Variants in AK7 observed in about 807,000 individuals in gnomAD.
The protein encoded by AK7 is ATP-AMP transphosphorylase 7.
Under a neutral mutation model 96.6 loss-of-function variants are expected in AK7, and 78 were observed. The ratio of observed to expected loss-of-function variants is 0.81; its 90% confidence interval spans 0.67 to 0.97. The LOEUF is 0.97. Among genes scored for constraint, AK7 ranks in the 50% least tolerant of loss-of-function variants. AK7 has a pLI of 0.00. For synonymous variants in AK7, 302 were observed against 317.2 expected (o/e 0.95, Z 0.51); for missense variants, 855 against 887.9 (o/e 0.96, Z 0.47).
intron 6 of AK7, among the ~76,000 whole-genome samples, chr14:96,442,436 T>C (rs1379512658): frequency 1.3e-5 from 2 of 152,246 alleles, no homozygotes; most frequent in African/African-American, 4.8e-5. Context: ...TCTTGAAAAG[T>C]ATTTCAGTCC....
chr14:96,417,362 G>A (rs1410158422), intron 4 of AK7, among the ~76,000 whole-genome samples: 2 of 152,172 alleles, frequency 1.3e-5, no homozygotes, highest in African/African-American at 2.4e-5. Flanking sequence ...AATTTAGCTG[G>A]ATGTCCTGTG....
At chr14:96,449,674 T>TC in intron 8 of AK7, 128 bp from the exon 9 acceptor site, 2 of 625,314 alleles carry the variant, frequency 3.2e-6, no homozygotes, top group Non-Finnish European at 5.7e-6. Context: ...TTACGGGTGA[T>TC]CCGCCCACCT....
chr14:96,476,001 A>T (rs915964185), intron 14 of AK7, among the ~76,000 whole-genome samples: 2 of 140,124 alleles, frequency 1.4e-5, no homozygotes, highest in African/African-American at 5.3e-5. Flanking sequence ...AAAAAAAAAA[A>T]GAAATCAAAG....
intron 2 of AK7, among the ~76,000 whole-genome samples, chr14:96,402,386 T>C (rs1216145898): frequency 6.6e-6 from 1 of 152,236 alleles, no homozygotes; most frequent in East Asian, 1.9e-4. Context: ...TGTTTCATCT[T>C]AAATAGAGCC....
At chr14:96,455,530 C>A (rs1266599973) in intron 10 of AK7, among the ~76,000 whole-genome samples, 4 of 152,100 alleles carry the variant, frequency 2.6e-5, no homozygotes, top group Non-Finnish European at 5.9e-5. Flanking sequence ...AGACCAAATT[C>A]AGTACAGAAA....
chr14:96,479,410 G>A (rs1222445576), intron 15 of AK7, among the ~76,000 whole-genome samples: 1 of 145,776 alleles, frequency 6.9e-6, no homozygotes, highest in Non-Finnish European at 1.5e-5. Context: ...TTAAAGAAAT[G>A]TGTGTATGGT....
chr14:96,396,790 A>G (rs1485259007), intron 1 of AK7, among the ~76,000 whole-genome samples: 1 of 152,262 alleles, frequency 6.6e-6, no homozygotes, highest in African/African-American at 2.4e-5. Context: ...TTGGAAAGCA[A>G]GAAGAGAAAC....
intron 5 of AK7, chr14:96,423,553 C>A: frequency 4.2e-6 from 2 of 477,976 alleles, no homozygotes; most frequent in South Asian, 3.4e-5. Context: ...CAGGAAAAGT[C>A]ACCCTAAGCC....
At chr14:96,407,575 C>CTTTTTTTTTTTTTTTTTTT (rs1288121196) in intron 3 of AK7, among the ~76,000 whole-genome samples, 1 of 54,732 alleles carries the variant, frequency 1.8e-5, no homozygotes, top group Non-Finnish European at 3.9e-5. Flanking sequence ...TTCTTTCTTT[C>CTTTTTTTTTTTTTTTTTTT]TTTTCTTTTT....
At chr14:96,463,984 C>G (rs1894416005) in intron 12 of AK7, among the ~76,000 whole-genome samples, 2 of 151,956 alleles carry the variant, frequency 1.3e-5, no homozygotes, top group Non-Finnish European at 2.9e-5. Context: ...CAATGTTACC[C>G]CTTTCTAGGG....
intron 9 of AK7, among the ~76,000 whole-genome samples, chr14:96,450,985 A>G (rs546586547): frequency 2.0e-5 from 3 of 152,142 alleles, no homozygotes; most frequent in Admixed American, 6.5e-5. Flanking sequence ...CGTGTTAGCC[A>G]GGATGATCTT....
intron 12 of AK7, among the ~76,000 whole-genome samples, chr14:96,467,979 G>A (rs1894665708): frequency 6.7e-6 from 1 of 149,136 alleles, no homozygotes; most frequent in African/African-American, 2.5e-5. Flanking sequence ...GCTCACGCCC[G>A]TAATCCCAGC....
At chr14:96,483,303 T>C in intron 16 of AK7, 84 bp downstream of exon 16, 1 of 1,341,490 alleles carries the variant, frequency 7.5e-7, no homozygotes, top group Non-Finnish European at 1.0e-6. Flanking sequence ...CCAGTTCCAC[T>C]TCCCATCCTG....
chr14:96,426,395 A>AT (rs997464544), intron 5 of AK7, among the ~76,000 whole-genome samples: 1 of 150,414 alleles, frequency 6.6e-6, no homozygotes, highest in East Asian at 2.0e-4. Context: ...TGTTGTAGTT[A>AT]TTATTTTTTT....
chr14:96,417,735 C>T (rs916055882), intron 4 of AK7, among the ~76,000 whole-genome samples: 3 of 152,196 alleles, frequency 2.0e-5, no homozygotes, highest in Non-Finnish European at 4.4e-5. Context: ...CCCTCCAATC[C>T]ATCCTCCATA....
intron 4 of AK7, 67 bp from the exon 5 acceptor site, chr14:96,420,754 CT>C: frequency 8.9e-7 from 1 of 1,125,762 alleles, no homozygotes; most frequent in Non-Finnish European, 1.3e-6. Flanking sequence ...AGGAACATAT[CT>C]TTAGCCTTAG....
chr14:96,398,662 G>A (rs1249272864), intron 2 of AK7: 7 of 210,150 alleles, frequency 3.3e-5, no homozygotes, highest in Non-Finnish European at 6.8e-5. Context: ...AGGGAGGATC[G>A]CTTAAGGCCA....
chr14:96,471,370 C>T (rs935149599), intron 12 of AK7, 108 bp from the exon 13 acceptor site: 1 of 504,928 alleles, frequency 2.0e-6, no homozygotes, highest in Non-Finnish European at 3.1e-6. Flanking sequence ...ATAGGGATTT[C>T]CAATAGTACC....
In AK7 at chr14:96,458,173, C is replaced by T; in HGVS notation, c.1318C>T (p.Leu440Phe). 6.2e-7 allele frequency: 1 copy of T among 1,614,002 alleles called. No individual in the cohort carries two copies. The highest frequency in any genetic ancestry group is 8.5e-7 in the Non-Finnish European group (1 of 1,179,962). Residue 440 changes from leucine (L) to phenylalanine (F), a missense_variant, in exon 12 of 18, where the codon CTC becomes TTC. Leu to Phe is a conservative substitution (Grantham distance 22). Transcript: ENST00000267584. ...EEENVEDAQE[L>F]LDGIKESMEQ... ...GGAGAATGTGGAAGATGCACAGGAGCTCCTAGATGGCATCAAGGAGAGCAT... is the reference window on the plus strand; with the variant it reads ...GGAGAATGTGGAAGATGCACAGGAGTTCCTAGATGGCATCAAGGAGAGCAT...
Sources: allele counts gnomAD v4.1 joint callset (sites outside exome capture counted in the v4.1 genomes callset), GRCh38; gene constraint gnomAD v4.1.1; transcripts MANE v1.5; gene names NCBI Gene and HGNC (gene_info 2026-07-23, HGNC 2026-07-21).